TPH1: variants seen among roughly 807,000 people sequenced by gnomAD.
TPH1 encodes tryptophan 5-hydroxylase 1.
In TPH1, 37 loss-of-function variants were observed where a neutral mutation model predicts 49.5. The ratio of observed to expected loss-of-function variants is 0.75; its 90% CI spans 0.58 to 0.98. TPH1 has a LOEUF of 0.98. Among genes scored for constraint, TPH1 ranks in the 50% least tolerant of loss-of-function variants. The probability of loss-of-function intolerance (pLI) is 0.00; values close to 1 mark genes in which losing one functional copy is unlikely to be tolerated. For synonymous variants in TPH1, 160 were observed against 182.1 expected (o/e 0.88, Z 0.98); for missense variants, 487 against 523.6 (o/e 0.93, Z 0.68).
intron 8 of TPH1, among the ~76,000 whole-genome samples, chr11:18,024,337 T>C (rs899799866): frequency 6.6e-6 from 1 of 152,214 alleles, no homozygotes; most frequent in Non-Finnish European, 1.5e-5. Context: ...AATGTTTTAA[T>C]ACAAATAACT....
intron 1 of TPH1, 43 bp from the exon 2 acceptor site, chr11:18,040,831 C>T (rs1848093432): frequency 6.4e-7 from 1 of 1,559,450 alleles, no homozygotes; most frequent in Non-Finnish European, 8.7e-7. Flanking sequence ...AAAGAAGTTG[C>T]ACAATGCAGA....
At chr11:18,046,196 T>G (rs1276765936) in intron 1 of TPH1, among the ~76,000 whole-genome samples, 45 bp downstream of exon 1, 1 of 152,066 alleles carries the variant, frequency 6.6e-6, no homozygotes, top group Non-Finnish European at 1.5e-5. Context: ...CGCCAAAGCC[T>G]CGACGGCGGT....
intron 1 of TPH1, 161 bp from the exon 2 acceptor site, chr11:18,040,949 A>C (rs1353103288): frequency 6.8e-6 from 4 of 584,968 alleles, no homozygotes; most frequent in Non-Finnish European, 1.2e-5. Flanking sequence ...GTGAGACCAA[A>C]ATAAGATACA....
chr11:18,042,376 C>T, intron 1 of TPH1: 1 of 454,226 alleles, frequency 2.2e-6, no homozygotes. Context: ...ATTCAATTAC[C>T]ACTCAAAGAT....
At chr11:18,037,638 G>GA (rs1000253647) in intron 2 of TPH1, among the ~76,000 whole-genome samples, 43 of 150,630 alleles carry the variant, frequency 2.9e-4, no homozygotes, top group Admixed American at 6.6e-4. Flanking sequence ...TGTCTTTGGA[G>GA]AAAAAAAAAG....
chr11:18,035,555 A>G (rs537572148), intron 3 of TPH1, among the ~76,000 whole-genome samples: 2 of 151,512 alleles, frequency 1.3e-5, no homozygotes, highest in South Asian at 4.2e-4. Flanking sequence ...CAGCCTCCAG[A>G]GTAGCTGGGA....
rs926213944 is a variant in TPH1, at chr11:18,022,815, A to G, written c.1143T>C (p.Asp381=). 15 of 1,613,226 alleles carry G rather than the reference A, an allele frequency of 9.3e-6. No homozygotes were observed. The Admixed American group carries it at 1.3e-4, about 14-fold the overall frequency. The change falls in exon 10 of 11, where the codon GAT becomes GAC. Residue 381 remains aspartate (D), a synonymous_variant. Coordinates refer to ENST00000682019, the MANE Select transcript of TPH1 (RefSeq NM_004179.3). ...TACTGTACCTCATCTTCTCCTTTGC[A>G]TCTTCAAAACTTTCAGATACAAAGT... ...DVYFVSESFE[D]AKEKMREFTK...
At chr11:18,045,711 T>A (rs367847481) in intron 1 of TPH1, among the ~76,000 whole-genome samples, 2 of 152,258 alleles carry the variant, frequency 1.3e-5, no homozygotes, top group African/African-American at 4.8e-5. Flanking sequence ...CTCTCAGTCG[T>A]CTGTTGGGAT....
chr11:18,045,757 T>G (rs1265427048), intron 1 of TPH1, among the ~76,000 whole-genome samples: 1 of 152,120 alleles, frequency 6.6e-6, no homozygotes, highest in Non-Finnish European at 1.5e-5. Flanking sequence ...CTGAGAAGCT[T>G]TGCATCTGAG....
Position 18,025,637 on chromosome 11 carries a change from A to G in TPH1, c.868T>C (p.Ser290Pro). Residue 290 changes from serine to proline, a missense_variant, in exon 8 of 11, where the codon TCC becomes CCC. Transcript: ENST00000682019. The stretch of plus-strand genomic sequence containing the variant: ...AGAGAAGCCAAGCCAATTTCTTGGG[A>G]GAATTGGGCAAAACTAGGTTCAGCC... ...LLAEPSFAQF[S>P]QEIGLASLGA... The G allele has an allele frequency of 3.7e-6, 6 of 1,614,072 alleles. No homozygotes were observed. The highest frequency in any genetic ancestry group is 5.1e-6 in the Non-Finnish European group (6 of 1,179,924).
chr11:18,035,621 G>T (rs1373015774), intron 3 of TPH1, among the ~76,000 whole-genome samples: 1 of 151,834 alleles, frequency 6.6e-6, no homozygotes, highest in Admixed American at 6.6e-5. Flanking sequence ...CACAGACTGG[G>T]TCTCTCCATG....
chr11:18,045,952 C>A (rs1029575269), intron 1 of TPH1, among the ~76,000 whole-genome samples: 2 of 152,166 alleles, frequency 1.3e-5, no homozygotes, highest in Non-Finnish European at 2.9e-5. Flanking sequence ...TCTGGGGACT[C>A]AAGAAATATC....
chr11:18,023,968 C>A lies in TPH1; in HGVS notation c.946G>T (p.Val316Leu), dbSNP rs1477884829. Residue 316 changes from valine (V) to leucine (L), a missense_variant, in exon 9 of 11, where the codon GTG becomes TTG. Transcript: ENST00000682019. Reference sequence around the variant, plus strand: ...TCTTGTTTACATAGACCAAACTCCACAGTGAAAAAGTAGCACTGCAAAAGA... The same window carrying A: ...TCTTGTTTACATAGACCAAACTCCAAAGTGAAAAAGTAGCACTGCAAAAGA... ...QKLATCYFFT[V>L]EFGLCKQDGQ... is the part of the protein sequence containing the mutation. The A allele has an allele frequency of 1.2e-6, 2 of 1,612,822 alleles. No individual in the cohort carries two copies. The highest frequency in any genetic ancestry group is 1.7e-6 in the Non-Finnish European group (2 of 1,179,188).
chr11:18,044,115 T>C (rs1038338477), intron 1 of TPH1, among the ~76,000 whole-genome samples: 3 of 152,192 alleles, frequency 2.0e-5, no homozygotes, highest in Non-Finnish European at 4.4e-5. Context: ...ATTATTTTGA[T>C]GTATTTAAAG....
chr11:18,032,540 T>C (rs1347266547), intron 4 of TPH1, among the ~76,000 whole-genome samples: 1 of 94,612 alleles, frequency 1.1e-5, no homozygotes, highest in East Asian at 3.0e-4. Flanking sequence ...TTGAAATCTT[T>C]TTTTTTTTTT....
At chr11:18,033,725 G>C (rs1272712899) in intron 3 of TPH1, among the ~76,000 whole-genome samples, 3 of 152,054 alleles carry the variant, frequency 2.0e-5, no homozygotes, top group Admixed American at 6.5e-5. Context: ...TACAGACCAA[G>C]GTACAAACTT....
intron 6 of TPH1, among the ~76,000 whole-genome samples, chr11:18,028,612 C>T (rs1015397799): frequency 6.6e-6 from 1 of 152,162 alleles, no homozygotes; most frequent in African/African-American, 2.4e-5. Flanking sequence ...ATATGTGATG[C>T]AATTTCAAAT....
Position 18,021,023 on chromosome 11 carries a change from G to C in TPH1, c.1303C>G (p.Leu435Val). The C allele has an allele frequency of 6.2e-7, 1 of 1,614,030 alleles. No homozygotes were observed. The highest frequency in any genetic ancestry group is 8.5e-7 in the Non-Finnish European group (1 of 1,179,954). The change falls in exon 11 of 11, where the codon CTT becomes GTT. Residue 435 changes from leucine (L) to valine (V), a missense_variant. Coordinates refer to ENST00000682019, the MANE Select transcript of TPH1 (RefSeq NM_004179.3). The part of the protein sequence containing the change: ...QHDLDVVSDA[L>V]AKVSRKPSI ...CTCGGCTTCCTGCTGACCTTAGCAA[G>C]GGCATCACTGACAACATCGAGATCA...
intron 1 of TPH1, among the ~76,000 whole-genome samples, chr11:18,043,867 TAAAA>T (rs879676856): frequency 6.9e-6 from 1 of 144,686 alleles, no homozygotes; most frequent in Non-Finnish European, 1.5e-5. Flanking sequence ...CCCTGTCTCT[TAAAA>T]AAAAAAAAAA....
Sources: allele counts gnomAD v4.1 joint callset (sites outside exome capture counted in the v4.1 genomes callset), GRCh38; gene constraint gnomAD v4.1.1; transcripts MANE v1.5; gene names NCBI Gene and HGNC (gene_info 2026-07-23, HGNC 2026-07-21).